GRK5: variants seen among roughly 807,000 people sequenced by gnomAD.
GRK5 encodes the protein g protein-coupled receptor kinase GRK5.
GRK5 carries 40 observed loss-of-function variants against 78.4 expected under a neutral mutation model. The ratio of observed to expected loss-of-function variants is 0.51; its 90% CI spans 0.40 to 0.66. GRK5 has a LOEUF of 0.66. Among genes scored for constraint, GRK5 ranks in the 30% least tolerant of loss-of-function variants. The pLI is 0.00. For missense variants in GRK5, 598 were observed against 759.9 expected, an observed-to-expected ratio of 0.79 and a Z score of 2.50; for synonymous variants, 289 against 296.8, an observed-to-expected ratio of 0.97 and a Z score of 0.27.
chr10:119,419,392 G>C (rs1010262217), intron 4 of GRK5, among the ~76,000 whole-genome samples: 1 of 152,196 alleles, frequency 6.6e-6, no homozygotes, highest in Non-Finnish European at 1.5e-5. Context: ...ATAAATGTCC[G>C]ACTACAACTA....
chr10:119,343,297 G>A (rs2133787444), intron 2 of GRK5, among the ~76,000 whole-genome samples: 1 of 152,310 alleles, frequency 6.6e-6, no homozygotes, highest in East Asian at 1.9e-4. Flanking sequence ...ACACTTTTGG[G>A]TCAGCAGGTT....
In GRK5 at chr10:119,430,923, C is replaced by T. The variant is rs952392732; in HGVS notation, c.598-464C>T. On this transcript the variant is annotated intron_variant, in intron 7 of 15. Transcript: ENST00000392870. This position sits in a 1 kb window ranked among gnomAD's most constrained non-coding sequence, Gnocchi z 4.5. ...AATGGTTAGGTGACCCAGCCAAGGG[C>T]GCGCAGACAATGTGAGGCAGAGCTA... Among the ~76,000 whole-genome samples the T allele has an allele frequency of 5.3e-5, 8 of 152,148 alleles. No individual in the cohort carries two copies. The highest frequency in any genetic ancestry group is 4.6e-4 in the Admixed American group (7 of 15,274).
chr10:119,395,577 T>C (rs1852035176), intron 3 of GRK5, among the ~76,000 whole-genome samples: 1 of 152,222 alleles, frequency 6.6e-6, no homozygotes, highest in Non-Finnish European at 1.5e-5. Context: ...TATAAACAAT[T>C]TGCAATTAGC....
intron 4 of GRK5, among the ~76,000 whole-genome samples, chr10:119,408,341 C>CAAAAAAAAAAAA (rs67973033): frequency 4.1e-5 from 2 of 48,702 alleles, no homozygotes; most frequent in Non-Finnish European, 3.5e-5. Flanking sequence ...AACCCTGTCT[C>CAAAAAAAAAAAA]AAAAAAAAAA....
At chr10:119,237,063 T>A (rs1480110270) in intron 1 of GRK5, among the ~76,000 whole-genome samples, 1 of 2,992 alleles carries the variant, frequency 3.3e-4, no homozygotes, top group African/African-American at 4.2e-4. Context: ...TTGCCTTACC[T>A]TTTTTTTTTT....
chr10:119,451,262 T>C (rs1445740191), intron 13 of GRK5, among the ~76,000 whole-genome samples: 1 of 151,836 alleles, frequency 6.6e-6, no homozygotes, highest in Non-Finnish European at 1.5e-5. Context: ...AAAATAAAAA[T>C]CAATGTATTT....
chr10:119,423,144 T>C, intron 4 of GRK5, 22 bp from the exon 5 acceptor site: 2 of 1,548,824 alleles, frequency 1.3e-6, no homozygotes, highest in Non-Finnish European at 1.8e-6. Flanking sequence ...ACTGACCACC[T>C]CCCTTCCCTT....
chr10:119,374,942 C>T (rs1403940546), intron 2 of GRK5, among the ~76,000 whole-genome samples: 2 of 152,198 alleles, frequency 1.3e-5, no homozygotes, highest in African/African-American at 2.4e-5. Context: ...GCTTCCTGTA[C>T]AGCCTGTAGA....
intron 1 of GRK5, among the ~76,000 whole-genome samples, chr10:119,210,274 G>A (rs1848466457): frequency 6.6e-6 from 1 of 152,168 alleles, no homozygotes; most frequent in African/African-American, 2.4e-5. Context: ...AGACTGACAC[G>A]TGAACAAGAA....
At chr10:119,275,907 C>A (rs1193428180) in intron 1 of GRK5, among the ~76,000 whole-genome samples, 2 of 152,168 alleles carry the variant, frequency 1.3e-5, no homozygotes, top group Non-Finnish European at 2.9e-5. Flanking sequence ...TCTCGCTAAG[C>A]AATACTGCAA....
chr10:119,338,148 G>A (rs1850925518), intron 2 of GRK5, among the ~76,000 whole-genome samples: 1 of 152,084 alleles, frequency 6.6e-6, no homozygotes, highest in Non-Finnish European at 1.5e-5. Context: ...GAGGGGTCAG[G>A]GATCCTGATT....
At chr10:119,301,251 C>G (rs1458631750) in intron 1 of GRK5, among the ~76,000 whole-genome samples, 1 of 152,230 alleles carries the variant, frequency 6.6e-6, no homozygotes, top group African/African-American at 2.4e-5. Flanking sequence ...CAGGCCCCAT[C>G]TACCTTGTGG....
rs1368006447 is a variant in GRK5, at chr10:119,458,739, C to G, written c.*3672C>G. On this transcript the variant is annotated 3_prime_UTR_variant, in exon 16 of 16. Transcript: ENST00000392870. ...AAGTCTCCATGCGTCTCCCGGGAGC[C>G]TGGCCCCGCTGCAGAAATCCCTTCT... 1 of 152,360 alleles carries G rather than the reference C, an allele frequency of 6.6e-6. No homozygotes were observed. 9.4% of individuals were successfully genotyped at this position (152,360 alleles called of 1,614,324 possible). A position where few individuals can be genotyped will look rare whatever the true frequency, so the allele number is the denominator to read the frequency against.
At chr10:119,265,302 C>G (rs531021304) in intron 1 of GRK5, among the ~76,000 whole-genome samples, 1 of 152,194 alleles carries the variant, frequency 6.6e-6, no homozygotes, top group Non-Finnish European at 1.5e-5. Flanking sequence ...GAGGCCCCCC[C>G]GCAGGTGAGT....
chr10:119,358,501 C>T (rs1851302953), intron 2 of GRK5, among the ~76,000 whole-genome samples: 1 of 152,172 alleles, frequency 6.6e-6, no homozygotes, highest in African/African-American at 2.4e-5. Context: ...CCCTTGCCCC[C>T]AGGAATTGAG....
chr10:119,423,123 G>A, intron 4 of GRK5, 43 bp from the exon 5 acceptor site: 1 of 1,370,788 alleles, frequency 7.3e-7, no homozygotes, highest in Non-Finnish European at 1.0e-6. Context: ...CCGCACTGCT[G>A]CTGGCTCCTC....
intron 2 of GRK5, among the ~76,000 whole-genome samples, chr10:119,347,982 G>A (rs542694332): frequency 6.6e-6 from 1 of 152,178 alleles, no homozygotes; most frequent in Non-Finnish European, 1.5e-5. Context: ...GAGGGGCAGA[G>A]TGACCTCCCA....
At chr10:119,236,435 C>T (rs765067602) in intron 1 of GRK5, among the ~76,000 whole-genome samples, 2 of 152,006 alleles carry the variant, frequency 1.3e-5, no homozygotes, top group Non-Finnish European at 2.9e-5. Flanking sequence ...AGGATGGTCT[C>T]GATCTCCCGA....
intron 1 of GRK5, among the ~76,000 whole-genome samples, chr10:119,313,971 GC>G (rs1850440526): frequency 1.3e-5 from 2 of 152,208 alleles, no homozygotes; most frequent in Non-Finnish European, 2.9e-5. Context: ...GGCCCCAGAT[GC>G]CCCGGGCCGC....
Sources: gnomAD v4.1 joint callset for allele counts (sites outside exome capture counted in the v4.1 genomes callset) on GRCh38, gnomAD v4.1.1 for gene constraint, Gnocchi (gnomAD v3.1) non-coding constraint, MANE v1.5 for transcripts, NCBI Gene and HGNC (gene_info 2026-07-23, HGNC 2026-07-21) for gene names.